Variants in RIC1 observed in about 807,000 individuals in gnomAD.
The protein encoded by RIC1 is RIC1 partner of RAB6A GEF complex.
Under a neutral mutation model 169.0 loss-of-function variants are expected in RIC1, and 88 were observed. The observed-to-expected ratio is 0.52, with a 90% CI of 0.44 to 0.62. RIC1 has a LOEUF of 0.62. RIC1 is among the 20% of genes least tolerant of loss of function. RIC1 has a pLI of 0.00. For synonymous variants in RIC1, 790 were observed against 601.5 expected (o/e 1.31, Z -4.59); for missense variants, 1,877 against 1,725.5 (o/e 1.09, Z -1.56).
At chr9:5,641,712 G>C (rs1389206172) in intron 1 of RIC1, among the ~76,000 whole-genome samples, 1 of 116,200 alleles carries the variant, frequency 8.6e-6, no homozygotes, top group Non-Finnish European at 1.7e-5. Context: ...CAGAGACTCT[G>C]ATGCATTCTT....
At chr9:5,747,564 C>A in intron 12 of RIC1, 59 bp downstream of exon 12, 1 of 1,399,716 alleles carries the variant, frequency 7.1e-7, no homozygotes, top group Non-Finnish European at 1.0e-6. Flanking sequence ...TCACCTGGAA[C>A]AGATTATTAA....
intron 2 of RIC1, among the ~76,000 whole-genome samples, chr9:5,682,892 T>G (rs1300598214): frequency 6.6e-6 from 1 of 152,218 alleles, no homozygotes; most frequent in African/African-American, 2.4e-5. Context: ...TACACTTCTC[T>G]TCTCGCTTCA....
chr9:5,660,150 C>T (rs1256150673), intron 2 of RIC1, among the ~76,000 whole-genome samples: 1 of 152,156 alleles, frequency 6.6e-6, no homozygotes, highest in Non-Finnish European at 1.5e-5. Context: ...ATAATGGTTT[C>T]CAGCTCCAAC....
chr9:5,724,507 A>G (rs1342148598), intron 6 of RIC1, among the ~76,000 whole-genome samples: 3 of 152,230 alleles, frequency 2.0e-5, no homozygotes, highest in Non-Finnish European at 2.9e-5. Context: ...ATCTGCAAAC[A>G]GGGACAATTT....
At chr9:5,684,588 T>A (rs1821093660) in intron 2 of RIC1, among the ~76,000 whole-genome samples, 1 of 152,164 alleles carries the variant, frequency 6.6e-6, no homozygotes, top group Non-Finnish European at 1.5e-5. Context: ...TCTATATTTG[T>A]CTTGTGTCCA....
intron 6 of RIC1, among the ~76,000 whole-genome samples, chr9:5,728,037 TC>T: frequency 6.6e-6 from 1 of 152,328 alleles, no homozygotes. Context: ...GACCTCAGAC[TC>T]CGTGCTGGGC....
intron 2 of RIC1, among the ~76,000 whole-genome samples, chr9:5,678,456 T>A (rs1443730543): frequency 6.6e-6 from 1 of 151,828 alleles, no homozygotes; most frequent in African/African-American, 2.4e-5. Context: ...TAGTTTACAG[T>A]CCCACCAACA....
intron 2 of RIC1, among the ~76,000 whole-genome samples, chr9:5,673,481 A>T (rs1477981204): frequency 6.8e-6 from 1 of 147,824 alleles, no homozygotes; most frequent in East Asian, 2.0e-4. Context: ...TGACTTGGCA[A>T]TCCTACTTAA....
chr9:5,657,294 A>G (rs1253807183), intron 2 of RIC1, among the ~76,000 whole-genome samples: 1 of 151,956 alleles, frequency 6.6e-6, no homozygotes, highest in Non-Finnish European at 1.5e-5. Flanking sequence ...ACGTGCCTAG[A>G]TATGTTTAAT....
intron 6 of RIC1, among the ~76,000 whole-genome samples, chr9:5,725,685 T>C (rs1180328087): frequency 1.3e-5 from 2 of 152,194 alleles, no homozygotes; most frequent in Admixed American, 1.3e-4. Context: ...TGCTTTCTGT[T>C]GTGGGCATTT....
chr9:5,755,196 A>G (rs1176262366), intron 15 of RIC1, among the ~76,000 whole-genome samples: 3 of 152,188 alleles, frequency 2.0e-5, no homozygotes, highest in African/African-American at 7.2e-5. Context: ...ATAAAGAGTT[A>G]AAAGCAAAAA....
intron 2 of RIC1, among the ~76,000 whole-genome samples, chr9:5,660,040 T>C (rs1268245932): frequency 6.6e-6 from 1 of 152,146 alleles, no homozygotes; most frequent in Non-Finnish European, 1.5e-5. Context: ...CAGTGTATGT[T>C]GTTTCCCCCA....
At chr9:5,658,690 G>A (rs1214081520) in intron 2 of RIC1, among the ~76,000 whole-genome samples, 1 of 152,012 alleles carries the variant, frequency 6.6e-6, no homozygotes. Flanking sequence ...TACAAAGTTT[G>A]TGAAAATATA....
chr9:5,681,646 A>C (rs1820846250), intron 2 of RIC1, among the ~76,000 whole-genome samples: 2 of 152,186 alleles, frequency 1.3e-5, no homozygotes, highest in Admixed American at 1.3e-4. Flanking sequence ...AGTTCTGTAG[A>C]TGTCTATTAG....
Position 5,688,325 on chromosome 9 carries a change from A to T in RIC1, c.253-1634A>T, listed in dbSNP as rs777468524. On this transcript the variant is annotated intron_variant, in intron 2 of 25. Transcript: ENST00000414202. ...GCTGACCCAGAAATTCTCACAAGGCAGTAAGCTGGGTAAGAGTAGGAGGGT... is the reference window on the plus strand; with the variant it reads ...GCTGACCCAGAAATTCTCACAAGGCTGTAAGCTGGGTAAGAGTAGGAGGGT... 2.4e-4 allele frequency among the ~76,000 whole-genome samples: 36 copies of T among 152,216 alleles called. 1 individual carries two copies. Among genetic ancestry groups the T allele is most frequent in the Non-Finnish European group, 4.7e-4 (32 of 68,036 alleles).
chr9:5,642,216 C>T (rs1818285352), intron 1 of RIC1, among the ~76,000 whole-genome samples: 1 of 145,060 alleles, frequency 6.9e-6, no homozygotes, highest in African/African-American at 2.8e-5. Flanking sequence ...TTGTTCTTTT[C>T]TGTTACTTTC....
chr9:5,773,420 A>G (rs747659007), intron 25 of RIC1, among the ~76,000 whole-genome samples: 6 of 152,302 alleles, frequency 3.9e-5, no homozygotes, highest in Non-Finnish European at 5.9e-5. Flanking sequence ...ATGGTCTACA[A>G]ATATCTACTT....
At chr9:5,751,575 A>G (rs1165300343) in intron 12 of RIC1, among the ~76,000 whole-genome samples, 1 of 151,258 alleles carries the variant, frequency 6.6e-6, no homozygotes. Context: ...GGCTGGTCTC[A>G]AACTCCTGAC....
intron 1 of RIC1, among the ~76,000 whole-genome samples, chr9:5,654,573 T>C (rs556880053): frequency 3.9e-5 from 6 of 152,194 alleles, no homozygotes; most frequent in African/African-American, 1.4e-4. Context: ...AGATTCAGTT[T>C]CTGTTGCCTA....
Sources: allele counts gnomAD v4.1 joint callset (sites outside exome capture counted in the v4.1 genomes callset), GRCh38; gene constraint gnomAD v4.1.1; transcripts MANE v1.5; gene names NCBI Gene and HGNC (gene_info 2026-07-23, HGNC 2026-07-21).